SNAPC4: variants seen among roughly 807,000 people sequenced by gnomAD.
The protein encoded by SNAPC4 is small nuclear RNA activating complex polypeptide 4, also known as snRNA-activating protein complex subunit 4.
In SNAPC4, 127 loss-of-function variants were observed where a neutral mutation model predicts 151.3. That is an observed-to-expected ratio of 0.84 (90% CI 0.73 to 0.97). The LOEUF (loss-of-function observed/expected upper bound fraction) is 0.97, where lower values mean the gene tolerates loss of function less well. SNAPC4 is among the 50% of genes least tolerant of loss of function. The pLI is 0.00. For synonymous variants in SNAPC4, 1,002 were observed against 824.4 expected, an observed-to-expected ratio of 1.22 and a Z score of -3.69; for missense variants, 2,186 against 1,935.0, an observed-to-expected ratio of 1.13 and a Z score of -2.43.
chr9:136,381,508 C>A lies in SNAPC4; in HGVS notation c.2318-116G>T, dbSNP rs1048214427. The A allele has an allele frequency of 1.8e-5, 18 of 973,294 alleles. No homozygotes were observed. In the South Asian group the frequency reaches 2.3e-4, roughly 12 times the overall value. 60.3% of individuals were successfully genotyped at this position (973,294 alleles called of 1,614,324 possible). ...TTCGAGGCGGCTCTGGGAGCCAGGC[C>A]AGGGTGGGAGGGGAGGCCTTGGAAC... On this transcript the variant is annotated intron_variant, in intron 18 of 23. Transcript: ENST00000684778.
intron 7 of SNAPC4, 62 bp downstream of exon 7, chr9:136,394,187 T>C: frequency 7.4e-7 from 1 of 1,342,676 alleles, no homozygotes. Flanking sequence ...AGTGCTGGGA[T>C]TCCAGGCATG....
intron 21 of SNAPC4, 39 bp from the exon 22 acceptor site, chr9:136,379,338 C>A (rs3812568): frequency 0.17 from 273,521 of 1,608,832 alleles, 24,078 homozygotes; most frequent in Admixed American, 0.25. Context: ...AAGCCCCAGG[C>A]ATCTGGCCCA....
At position 136,384,807 on chromosome 9, in the gene SNAPC4, T is replaced by C. The variant is rs1228124090; in HGVS notation, c.1333A>G (p.Arg445Gly). 6.4e-7 allele frequency: 1 copy of C among 1,573,510 alleles called. No individual in the cohort carries two copies. The highest frequency in any genetic ancestry group is 1.4e-5 in the African/African-American group (1 of 73,726). Residue 445 changes from arginine (R) to glycine (G), a missense_variant, in exon 14 of 24, where the codon AGG (arginine) becomes GGG (glycine). Coordinates refer to ENST00000684778, the MANE Select transcript of SNAPC4 (RefSeq NM_003086.4). ...TTTTTCAAGCTGAAATGTAATCTCC[T>C]GAGATACCTGAACGTGACATGAAAA... is the stretch of plus-strand genomic sequence containing the variant. ...SDAQCRDRYL[R>G]RLHFSLKKGR...
At chr9:136,389,749 G>C (rs147389126) in intron 10 of SNAPC4, among the ~76,000 whole-genome samples, 2 of 152,182 alleles carry the variant, frequency 1.3e-5, no homozygotes, top group Non-Finnish European at 2.9e-5. Flanking sequence ...GCAAAGGACT[G>C]GGGGGTGGGG....
In SNAPC4 at chr9:136,377,655, G is replaced by T; in HGVS notation, c.4172C>A (p.Ser1391Ter). 6.2e-7 allele frequency: 1 copy of T among 1,603,608 alleles called. No homozygotes were observed. The highest frequency in any genetic ancestry group is 8.5e-7 in the Non-Finnish European group (1 of 1,174,160). The change falls in exon 22 of 24, where the codon TCA (serine) becomes TAA (stop). Residue 1391 changes from serine (S) to a stop codon, truncating the protein, a stop_gained. Transcript: ENST00000684778. LOFTEE classifies it high-confidence loss of function. ...CTCAGAGCCCACCCTCGAAGGTACT[G>T]AGAGGGTGGTGCGGACGCCTTGGGG... ...LAPQGVRTTLSVPSRVGSESE... is the reference protein window; with the variant it reads ...LAPQGVRTTL
In SNAPC4 at chr9:136,377,548, T is replaced by C; in HGVS notation, c.4279A>G (p.Ile1427Val). Residue 1427 changes from isoleucine to valine, a missense_variant, in exon 22 of 24, where the codon ATT becomes GTT. Coordinates refer to ENST00000684778, the MANE Select transcript of SNAPC4 (RefSeq NM_003086.4). ...QPGCTTATCPIQGAPDSGKCS... is the reference protein window; with the variant it reads ...QPGCTTATCPVQGAPDSGKCS... ...GGGCTGGGCGCCCACCCTACCTGAATGGGGCATGTGGCTGTCGTGCAGCCC... is the reference window on the plus strand; with the variant it reads ...GGGCTGGGCGCCCACCCTACCTGAACGGGGCATGTGGCTGTCGTGCAGCCC... The C allele has an allele frequency of 2.0e-6, 3 of 1,508,012 alleles. No homozygotes were observed. Among genetic ancestry groups the C allele is most frequent in the Non-Finnish European group, 2.7e-6 (3 of 1,127,632 alleles). 93.4% of individuals were successfully genotyped at this position (1,508,012 alleles called of 1,614,324 possible).
Position 136,387,844 on chromosome 9 carries a change from G to A in SNAPC4, c.1128C>T (p.Val376=), listed in dbSNP as rs200545149. 494 of 1,553,884 alleles carry A rather than the reference G, an allele frequency of 3.2e-4. 1 individual carries two copies. Among genetic ancestry groups the A allele is most frequent in the Non-Finnish European group, 4.2e-4 (469 of 1,125,406 alleles). The change falls in exon 12 of 24, where the codon GTC becomes GTT. Residue 376 remains valine, a synonymous_variant. Transcript: ENST00000684778. ...VGSHIPYRRI[V]YYMEGRDSMQ... ...TGGAGTCTCTCCCTTCCATATAGTAGACAACTAGGGACAGAGGAACAGGGA... is the reference window on the plus strand; with the variant it reads ...TGGAGTCTCTCCCTTCCATATAGTAAACAACTAGGGACAGAGGAACAGGGA...
chr9:136,382,391 G>T, intron 16 of SNAPC4, 55 bp from the exon 17 acceptor site: 1 of 1,475,452 alleles, frequency 6.8e-7, no homozygotes, highest in Non-Finnish European at 9.4e-7. Flanking sequence ...ACACATGGGG[G>T]CCCTCCCCTC....
At chr9:136,396,367 A>G (rs937445637) in intron 3 of SNAPC4, among the ~76,000 whole-genome samples, 1 of 152,232 alleles carries the variant, frequency 6.6e-6, no homozygotes, top group African/African-American at 2.4e-5. Context: ...CAGCTAATAA[A>G]ATAATCACTG....
At position 136,378,076 on chromosome 9, in the gene SNAPC4, C is replaced by G. The variant is rs780827166; in HGVS notation, c.3751G>C (p.Ala1251Pro). 6.3e-6 allele frequency: 10 copies of G among 1,579,502 alleles called. No homozygotes were observed. The highest frequency in any genetic ancestry group is 8.6e-6 in the Non-Finnish European group (10 of 1,163,598). Residue 1251 changes from alanine to proline, a missense_variant, in exon 22 of 24, where the codon GCC (alanine) becomes CCC (proline). Transcript: ENST00000684778. ...AGGGGCGGCTTCTCCAGGTCCAGGG[C>G]CCCCTTCTCAGGCCCAGGCTGGCGC... ...PLRQPGPEKGALDLEKPPLPQ... is the reference protein window; with the variant it reads ...PLRQPGPEKGPLDLEKPPLPQ...
chr9:136,394,739 G>A lies in SNAPC4; in HGVS notation c.550+61C>T, dbSNP rs1480288025. 11 of 1,439,640 alleles carry A rather than the reference G, an allele frequency of 7.6e-6. No individual in the cohort carries two copies. In the South Asian group the frequency reaches 8.1e-5, roughly 11 times the overall value. The allele number at this position is 1,439,640 out of a possible 1,614,324, so 89.2% of individuals were successfully genotyped here. On this transcript the variant is annotated intron_variant, in intron 6 of 23. Transcript: ENST00000684778. ...AGAACTTGGGGAGAAACTGGGGAAA[G>A]GAGGGCCATGGGGAGGTGTCCCAAG...
intron 13 of SNAPC4, among the ~76,000 whole-genome samples, chr9:136,387,166 G>C (rs2131487507): frequency 6.6e-6 from 1 of 152,358 alleles, no homozygotes; most frequent in African/African-American, 2.4e-5. Flanking sequence ...CAGAGGTCCT[G>C]CCTATCAGCA....
intron 19 of SNAPC4, 49 bp from the exon 20 acceptor site, chr9:136,380,899 T>A (rs1231529233): frequency 1.7e-6 from 2 of 1,143,642 alleles, no homozygotes; most frequent in Admixed American, 3.5e-5. Context: ...CGGGAGCAGC[T>A]CCGAAGCTCC....
chr9:136,396,116 G>A (rs1205895954), intron 3 of SNAPC4, among the ~76,000 whole-genome samples: 2 of 152,166 alleles, frequency 1.3e-5, no homozygotes, highest in East Asian at 1.9e-4. Flanking sequence ...AGCCCCTGTC[G>A]TGTGCATCAC....
chr9:136,398,266 A>G, intron 2 of SNAPC4, 33 bp downstream of exon 2: 2 of 1,593,082 alleles, frequency 1.3e-6, no homozygotes, highest in Admixed American at 1.7e-5. Flanking sequence ...TGTTCTTACC[A>G]GGACCCCAGG....
chr9:136,399,669 G>A (rs1834387436), intron 1 of SNAPC4, among the ~76,000 whole-genome samples: 1 of 152,186 alleles, frequency 6.6e-6, no homozygotes, highest in Non-Finnish European at 1.5e-5. Flanking sequence ...AGCCCCAGCT[G>A]CGGGGACGCC....
At chr9:136,388,729 C>T (rs1424333499) in intron 10 of SNAPC4, 138 bp from the exon 11 acceptor site, 7 of 944,240 alleles carry the variant, frequency 7.4e-6, no homozygotes, top group Non-Finnish European at 1.1e-5. Flanking sequence ...CTCCTCCTCC[C>T]AGACTCCTGT....
rs767726157 is a variant in SNAPC4 at position 136,381,353 on chromosome 9, G to C, written c.2357C>G (p.Ala786Gly). ...AAACAGGGTAAACACAGGGGTGCTG[G>C]CCAGGCGGGCCTGCTGCAGCTGCTC... ...LREQLQQARL[A>G]STPVFTLFTQ... is the part of the protein sequence containing the mutation. Residue 786 changes from alanine (A) to glycine (G), a missense_variant, in exon 19 of 24, where the codon GCC becomes GGC. Physicochemically the swap from Ala to Gly is moderately conservative, Grantham distance 60. Coordinates refer to ENST00000684778, the MANE Select transcript of SNAPC4 (RefSeq NM_003086.4). The C allele has an allele frequency of 1.9e-6, 3 of 1,612,840 alleles. No individual in the cohort carries two copies. In the South Asian group the frequency reaches 3.3e-5, roughly 18 times the overall value.
Position 136,377,971 on chromosome 9 carries a change from G to A in SNAPC4, c.3856C>T (p.Leu1286=), listed in dbSNP as rs1431551005. 1 of 1,603,022 alleles carries A rather than the reference G, an allele frequency of 6.2e-7. No homozygotes were observed. Among genetic ancestry groups the A allele is most frequent in the Middle Eastern group, 1.8e-4 (1 of 5,528 alleles). ...ACACGCACCCCCCGCTGGCCCCCCA[G>A]CCACTGCTGTGTGGCCGCCTCGCCC... ...QEGEAATQQW[L]GGQRGVRVPL... Residue 1286 remains leucine, a synonymous_variant, in exon 22 of 24, where the codon CTG becomes TTG. Coordinates refer to ENST00000684778, the MANE Select transcript of SNAPC4 (RefSeq NM_003086.4).
Sources: allele counts gnomAD v4.1 joint callset (sites outside exome capture counted in the v4.1 genomes callset), GRCh38; gene constraint gnomAD v4.1.1; transcripts MANE v1.5; gene names NCBI Gene and HGNC (gene_info 2026-07-23, HGNC 2026-07-21).